RPH3A: variants seen among roughly 807,000 people sequenced by gnomAD.
RPH3A encodes the protein rabphilin-3A.
Under a neutral mutation model 102.2 loss-of-function variants are expected in RPH3A, and 48 were observed. The observed-to-expected ratio is 0.47, with a 90% CI of 0.37 to 0.60. The LOEUF is 0.60. Ranked by LOEUF, RPH3A falls within the 20% of genes least tolerant of loss-of-function variation. RPH3A has a pLI of 0.00. For missense variants in RPH3A, 781 were observed against 910.1 expected (o/e 0.86, Z 1.83); for synonymous variants, 310 against 324.3 (o/e 0.96, Z 0.47).
chr12:112,697,598 A>T (rs895670760), intron 1 of RPH3A, among the ~76,000 whole-genome samples: 1 of 152,134 alleles, frequency 6.6e-6, no homozygotes. Flanking sequence ...AGGCATGGTG[A>T]CTCACGCCTG....
chr12:112,664,540 C>T (rs1157496626), intron 1 of RPH3A, among the ~76,000 whole-genome samples: 1 of 152,040 alleles, frequency 6.6e-6, no homozygotes, highest in Non-Finnish European at 1.5e-5. Context: ...TTACTAGAAG[C>T]CTGGAAGAGG....
At chr12:112,598,227 A>G (rs953390056) in intron 1 of RPH3A, among the ~76,000 whole-genome samples, 4 of 152,234 alleles carry the variant, frequency 2.6e-5, no homozygotes, top group Non-Finnish European at 5.9e-5. Flanking sequence ...TCAGTCATCC[A>G]TCAGTTGAGG....
At chr12:112,595,400 T>C (rs1016230952) in intron 1 of RPH3A, among the ~76,000 whole-genome samples, 1 of 152,200 alleles carries the variant, frequency 6.6e-6, no homozygotes, top group African/African-American at 2.4e-5. Context: ...TTAGTGACTA[T>C]TTACTGATCC....
In RPH3A at chr12:112,865,516, C is replaced by T. The variant is rs139508998; in HGVS notation, c.333C>T (p.Ala111=). The T allele has an allele frequency of 6.2e-7, 1 of 1,613,914 alleles. No homozygotes were observed. Residue 111 remains alanine, a synonymous_variant, in exon 6 of 22, where the codon GCC becomes GCT. Transcript: ENST00000389385. ...CGEQLGMLGS[A]CVVCEDCKKN... ...AACAGCTGGGGATGCTGGGCTCTGC[C>T]TGTGTAGTATGTGAGGACTGTAAGA...
At chr12:112,715,005 G>A (rs1251924164) in intron 1 of RPH3A, among the ~76,000 whole-genome samples, 1 of 151,260 alleles carries the variant, frequency 6.6e-6, no homozygotes, top group Admixed American at 6.6e-5. Flanking sequence ...CCTCCTCCAG[G>A]AAGCCTTCTC....
intron 1 of RPH3A, among the ~76,000 whole-genome samples, chr12:112,777,520 A>G (rs1257928417): frequency 6.6e-6 from 1 of 152,212 alleles, no homozygotes; most frequent in Non-Finnish European, 1.5e-5. Flanking sequence ...TTTAAAGAAC[A>G]CGTAGGTGCC....
intron 2 of RPH3A, among the ~76,000 whole-genome samples, chr12:112,793,418 C>G (rs190362523): frequency 2.0e-5 from 3 of 152,204 alleles, no homozygotes; most frequent in South Asian, 2.1e-4. Context: ...AATAAAACAA[C>G]AGTCAGAGAT....
intron 1 of RPH3A, among the ~76,000 whole-genome samples, chr12:112,662,246 G>A (rs76241992): frequency 1.3e-4 from 20 of 152,250 alleles, no homozygotes; most frequent in African/African-American, 4.3e-4. Context: ...TTTCCCTGGC[G>A]TGTCTCCCAT....
At chr12:112,739,729 C>T (rs2040694909) in intron 1 of RPH3A, among the ~76,000 whole-genome samples, 2 of 152,204 alleles carry the variant, frequency 1.3e-5, no homozygotes, top group South Asian at 2.1e-4. Flanking sequence ...TCCCTACAGC[C>T]CACATCTTCC....
chr12:112,590,926 T>C (rs908926681), intron 1 of RPH3A, among the ~76,000 whole-genome samples: 3 of 151,942 alleles, frequency 2.0e-5, no homozygotes, highest in Admixed American at 6.6e-5. Flanking sequence ...TCCCGAGTAG[T>C]TGGAAATACA....
chr12:112,690,589 C>T (rs1207207482), intron 1 of RPH3A, among the ~76,000 whole-genome samples: 2 of 152,208 alleles, frequency 1.3e-5, no homozygotes, highest in East Asian at 1.9e-4. Context: ...GAGAATCCAT[C>T]GATGAAAGAG....
intron 1 of RPH3A, among the ~76,000 whole-genome samples, chr12:112,612,467 G>A (rs1045480122): frequency 5.3e-5 from 8 of 151,818 alleles, no homozygotes; most frequent in Non-Finnish European, 1.2e-4. Flanking sequence ...TGTGATTGGG[G>A]TTCTCTTTTC....
At chr12:112,728,228 A>G (rs2136047004) in intron 1 of RPH3A, among the ~76,000 whole-genome samples, 1 of 152,206 alleles carries the variant, frequency 6.6e-6, no homozygotes, top group South Asian at 2.1e-4. Context: ...GCAATTTATC[A>G]CCAGTTTCCT....
intron 16 of RPH3A, among the ~76,000 whole-genome samples, chr12:112,883,796 G>T (rs978773368): frequency 6.6e-6 from 1 of 152,146 alleles, no homozygotes. Context: ...TTCTTCTACA[G>T]TGTTGAATTA....
Position 112,865,385 on chromosome 12 carries a change from G to A in RPH3A, c.231-29G>A, listed in dbSNP as rs371477641. On this transcript the variant is annotated intron_variant, in intron 5 of 21. Coordinates refer to ENST00000389385, the MANE Select transcript of RPH3A (RefSeq NM_001143854.2). ...TGCTGGTGGTCCCCAGTCCTACAAG[G>A]TCCTTATTTACCTTGTCTCTGCTTC... The A allele has an allele frequency of 2.5e-6, 4 of 1,611,416 alleles. No individual in the cohort carries two copies. In the African/African-American group the frequency reaches 4.0e-5, roughly 16 times the overall value.
chr12:112,582,604 G>A (rs1271721177), intron 1 of RPH3A, among the ~76,000 whole-genome samples: 1 of 140,318 alleles, frequency 7.1e-6, no homozygotes, highest in African/African-American at 2.7e-5. Context: ...GTACCACCAT[G>A]TCCAGCTAGC....
intron 1 of RPH3A, among the ~76,000 whole-genome samples, chr12:112,676,574 C>T (rs1238677421): frequency 6.6e-6 from 1 of 152,216 alleles, no homozygotes; most frequent in Non-Finnish European, 1.5e-5. Flanking sequence ...CTAGGCCTTC[C>T]TTTAAAATGC....
chr12:112,824,870 G>A (rs2136145410), intron 2 of RPH3A, among the ~76,000 whole-genome samples: 1 of 152,268 alleles, frequency 6.6e-6, no homozygotes, highest in East Asian at 1.9e-4. Flanking sequence ...TCTGCCCTGA[G>A]GATGATGGAA....
chr12:112,769,041 A>G (rs1238185645), intron 1 of RPH3A, among the ~76,000 whole-genome samples: 4 of 152,198 alleles, frequency 2.6e-5, no homozygotes, highest in South Asian at 4.1e-4. Context: ...TGTTAGCCCC[A>G]TGACCACAGG....
Sources: allele counts gnomAD v4.1 joint callset (sites outside exome capture counted in the v4.1 genomes callset), GRCh38; gene constraint gnomAD v4.1.1; transcripts MANE v1.5; gene names NCBI Gene and HGNC (gene_info 2026-07-23, HGNC 2026-07-21).